The following FSIP2 variants were observed in gnomAD, a reference collection of about 807,000 sequenced individuals.
The protein encoded by FSIP2 is fibrous sheath interacting protein 2.
Under a neutral mutation model 510.5 loss-of-function variants are expected in FSIP2, and 367 were observed. That is an observed-to-expected ratio of 0.72 (90% CI 0.66 to 0.78). The LOEUF (loss-of-function observed/expected upper bound fraction) is 0.78, where lower values mean the gene tolerates loss of function less well. Among genes scored for constraint, FSIP2 ranks in the 30% least tolerant of loss-of-function variants. The pLI is 0.00. For missense variants in FSIP2, 7,594 were observed against 7,901.7 expected (o/e 0.96, Z 1.48); for synonymous variants, 2,601 against 2,732.2 (o/e 0.95, Z 1.50).
At position 185,789,770 on chromosome 2, in the gene FSIP2, T is replaced by A; in HGVS notation, c.2634T>A (p.Asp878Glu). 6.5e-7 allele frequency: 1 copy of A among 1,534,446 alleles called. No individual in the cohort carries two copies. Residue 878 changes from aspartate to glutamate, a missense_variant, in exon 16 of 23, where the codon GAT becomes GAA. Asp to Glu is a conservative substitution (Grantham distance 45). Transcript: ENST00000424728. ...AGKNKSSLES[D>E]EASLIVNEEV... ...AAAATAAATCTAGTCTTGAATCTGA[T>A]GAAGCTAGTTTAATTGTCAATGAAG...
At position 185,794,878 on chromosome 2, in the gene FSIP2, C is replaced by T. The variant is rs1331721108; in HGVS notation, c.7742C>T (p.Pro2581Leu). Reference protein sequence around the residue: ...SDHNDSLLMKPLRFRETKQAG... With the variant: ...SDHNDSLLMKLLRFRETKQAG... ...CACAATGATTCCTTACTAATGAAAC[C>T]ATTAAGGTTTAGAGAAACTAAACAA... is the stretch of plus-strand genomic sequence containing the variant. The change falls in exon 16 of 23, where the codon CCA becomes CTA. Residue 2581 changes from proline to leucine, a missense_variant. Transcript: ENST00000424728. 1 of 1,533,662 alleles carries T rather than the reference C, an allele frequency of 6.5e-7. No individual in the cohort carries two copies. Among genetic ancestry groups the T allele is most frequent in the Admixed American group, 2.0e-5 (1 of 50,838 alleles).
chr2:185,828,487 C>T (rs1694053373), intron 21 of FSIP2, among the ~76,000 whole-genome samples: 1 of 151,752 alleles, frequency 6.6e-6, no homozygotes, highest in South Asian at 2.1e-4. Flanking sequence ...TGTTTATTAG[C>T]TCTGTTACTA....
rs962573950 is a variant in FSIP2 at position 185,786,189 on chromosome 2, T to G, written c.1470-63T>G. On this transcript the variant is annotated intron_variant, in intron 14 of 22. Transcript: ENST00000424728. Reference sequence around the variant, plus strand: ...AAATGATTTCAATAATTAGAAATTTTGGGAAAAGTTTTATAAATTTTTGAC... The same window carrying G: ...AAATGATTTCAATAATTAGAAATTTGGGGAAAAGTTTTATAAATTTTTGAC... 5 of 1,027,214 alleles carry G rather than the reference T, an allele frequency of 4.9e-6. No individual in the cohort carries two copies. The Admixed American group carries it at 8.0e-5, about 17-fold the overall frequency. The allele number at this position is 1,027,214 out of a possible 1,614,324, so 63.6% of individuals were successfully genotyped here. A position where few individuals can be genotyped will look rare whatever the true frequency, so the allele number is the denominator to read the frequency against.
rs536539979 is a variant in FSIP2 at position 185,797,192 on chromosome 2, C to G, written c.10056C>G (p.Asn3352Lys). ...GFPSQPHTNE[N>K]REIMKPFFIS... ...CAAGTCAACCACACACTAATGAGAA[C>G]AGGGAAATAATGAAACCATTTTTCA... Residue 3352 changes from asparagine to lysine, a missense_variant, in exon 16 of 23, where the codon AAC (asparagine) becomes AAG (lysine). Transcript: ENST00000424728. 23 of 1,534,914 alleles carry G rather than the reference C, an allele frequency of 1.5e-5. No homozygotes were observed. The South Asian group carries it at 2.4e-4, about 16-fold the overall frequency.
In FSIP2 at chr2:185,789,000, A is replaced by G; in HGVS notation, c.1864A>G (p.Ile622Val). 1.3e-6 allele frequency: 2 copies of G among 1,534,192 alleles called. No homozygotes were observed. The highest frequency in any genetic ancestry group is 1.7e-6 in the Non-Finnish European group (2 of 1,145,464). ...GKTCHIKGQS[I>V]ISKHKYNKTN... ...AACATGTCACATAAAAGGACAATCT[A>G]TAATCTCTAAACATAAATATAATAA... The change falls in exon 16 of 23, where the codon ATA (isoleucine) becomes GTA (valine). Residue 622 changes from isoleucine (I) to valine (V), a missense_variant. By Grantham distance (29) the Ile-to-Val change is conservative. Coordinates refer to ENST00000424728, the MANE Select transcript of FSIP2 (RefSeq NM_173651.4).
intron 9 of FSIP2, among the ~76,000 whole-genome samples, chr2:185,759,673 ATATT>A (rs1315274807): frequency 1.4e-5 from 2 of 146,602 alleles, no homozygotes; most frequent in East Asian, 2.0e-4. Flanking sequence ...ATTATACATA[ATATT>A]TATTATTTGT....
Position 185,792,656 on chromosome 2 carries a change from C to A in FSIP2, c.5520C>A (p.Thr1840=), listed in dbSNP as rs1387853356. 5 of 1,533,334 alleles carry A rather than the reference C, an allele frequency of 3.3e-6. No homozygotes were observed. The highest frequency in any genetic ancestry group is 4.4e-6 in the Non-Finnish European group (5 of 1,145,030). The allele number at this position is 1,533,334 out of a possible 1,614,324, so 95.0% of individuals were successfully genotyped here. Residue 1840 remains threonine (T), a synonymous_variant, in exon 16 of 23, where the codon ACC becomes ACA. Transcript: ENST00000424728. ...MDPLLSEADI[T]IVTDNIVRTV... is the part of the protein sequence containing the mutation. ...CTTTACTTTCGGAAGCAGATATAAC[C>A]ATAGTAACAGATAATATTGTTAGGA...
intron 9 of FSIP2, among the ~76,000 whole-genome samples, chr2:185,757,082 C>G (rs1315550123): frequency 6.6e-6 from 1 of 151,282 alleles, no homozygotes; most frequent in Admixed American, 6.6e-5. Flanking sequence ...TTACAACATA[C>G]CAAAGGATTA....
At chr2:185,780,087 T>C (rs1245450568) in intron 13 of FSIP2, among the ~76,000 whole-genome samples, 2 of 149,508 alleles carry the variant, frequency 1.3e-5, no homozygotes, top group East Asian at 3.9e-4. Context: ...AAAAAAAAAA[T>C]TGTTTTGTTT....
In FSIP2 at chr2:185,803,471, A is replaced by G. The variant is rs1321136290; in HGVS notation, c.14165A>G (p.Asp4722Gly). 9 of 1,529,326 alleles carry G rather than the reference A, an allele frequency of 5.9e-6. No homozygotes were observed. The highest frequency in any genetic ancestry group is 2.0e-5 in the Admixed American group (1 of 50,118). 94.7% of individuals were successfully genotyped at this position (1,529,326 alleles called of 1,614,324 possible). ...EVVPNKDFLNDTKTLAARITN... is the reference protein window; with the variant it reads ...EVVPNKDFLNGTKTLAARITN... ...GTGCCCAATAAAGATTTTCTAAATG[A>G]CACAAAGACATTGGCTGCAAGAATA... The change falls in exon 17 of 23, where the codon GAC (aspartate) becomes GGC (glycine). Residue 4722 changes from aspartate (D) to glycine (G), a missense_variant. By Grantham distance (94) the Asp-to-Gly change is moderately conservative. Coordinates refer to ENST00000424728, the MANE Select transcript of FSIP2 (RefSeq NM_173651.4).
rs1260371521 is a variant in FSIP2 at position 185,800,005 on chromosome 2, A to G, written c.10699A>G (p.Ile3567Val). 2.0e-6 allele frequency: 3 copies of G among 1,517,876 alleles called. No homozygotes were observed. The East Asian group carries it at 7.4e-5, about 37-fold the overall frequency. 94.0% of individuals were successfully genotyped at this position (1,517,876 alleles called of 1,614,324 possible). The part of the protein sequence containing the change: ...ALCISEIIIK[I>V]LFNNKIIQAD... ...ATGTATTTCTGAAATCATTATTAAA[A>G]TTCTTTTTAATAATAAAATTATACA... Residue 3567 changes from isoleucine (I) to valine (V), a missense_variant, in exon 17 of 23, where the codon ATT (isoleucine) becomes GTT (valine). Physicochemically the swap from Ile to Val is conservative, Grantham distance 29. Transcript: ENST00000424728.
At position 185,805,570 on chromosome 2, in the gene FSIP2, C is replaced by G; in HGVS notation, c.16264C>G (p.Leu5422Val). 6.2e-7 allele frequency: 1 copy of G among 1,610,500 alleles called. No individual in the cohort carries two copies. The highest frequency in any genetic ancestry group is 8.5e-7 in the Non-Finnish European group (1 of 1,178,244). Reference protein sequence around the residue: ...PDNITQRVQHLPQNTFTQISR... With the variant: ...PDNITQRVQHVPQNTFTQISR... ...TAATATCACCCAAAGGGTTCAACAC[C>G]TACCACAAAACACCTTTACACAAAT... Residue 5422 changes from leucine (L) to valine (V), a missense_variant, in exon 17 of 23, where the codon CTA becomes GTA. By Grantham distance (32) the Leu-to-Val change is conservative. Coordinates refer to ENST00000424728, the MANE Select transcript of FSIP2 (RefSeq NM_173651.4).
chr2:185,810,752 G>C (rs1231559128), intron 17 of FSIP2, among the ~76,000 whole-genome samples: 1 of 151,862 alleles, frequency 6.6e-6, no homozygotes, highest in Admixed American at 6.6e-5. Context: ...GGCTAGAAGA[G>C]TTTAGAAGGC....
chr2:185,790,715 T>G lies in FSIP2; in HGVS notation c.3579T>G (p.Ile1193Met). 1 of 1,533,956 alleles carries G rather than the reference T, an allele frequency of 6.5e-7. No homozygotes were observed. Among genetic ancestry groups the G allele is most frequent in the East Asian group, 2.4e-5 (1 of 40,834 alleles). ...NYISNTTKSS[I>M]SSSVHQISLH... ...TTTCCAATACCACTAAAAGTTCCATTTCATCATCAGTTCATCAGATTTCCT... is the reference window on the plus strand; with the variant it reads ...TTTCCAATACCACTAAAAGTTCCATGTCATCATCAGTTCATCAGATTTCCT... Residue 1193 changes from isoleucine to methionine, a missense_variant, in exon 16 of 23, where the codon ATT becomes ATG. By Grantham distance (10) the Ile-to-Met change is conservative. Transcript: ENST00000424728.
chr2:185,790,623 A>C lies in FSIP2; in HGVS notation c.3487A>C (p.Ile1163Leu). The C allele has an allele frequency of 6.5e-7, 1 of 1,534,132 alleles. No individual in the cohort carries two copies. The highest frequency in any genetic ancestry group is 8.7e-7 in the Non-Finnish European group (1 of 1,145,496). ...WIDQMFSVSE[I>L]STVAQEITDS... ...AGACCAGATGTTTTCTGTTTCAGAA[A>C]TCAGTACAGTGGCTCAAGAAATAAC... Residue 1163 changes from isoleucine (I) to leucine (L), a missense_variant, in exon 16 of 23, where the codon ATC becomes CTC. Ile to Leu is a conservative substitution (Grantham distance 5). Transcript: ENST00000424728.
chr2:185,743,576 G>A (rs939830390), intron 3 of FSIP2, among the ~76,000 whole-genome samples: 2 of 152,018 alleles, frequency 1.3e-5, no homozygotes, highest in East Asian at 3.9e-4. Context: ...TTTCCCACGT[G>A]TATTATAGCC....
Position 185,804,108 on chromosome 2 carries a change from T to A in FSIP2, c.14802T>A (p.Pro4934=). 1 of 1,526,606 alleles carries A rather than the reference T, an allele frequency of 6.6e-7. No homozygotes were observed. Among genetic ancestry groups the A allele is most frequent in the Non-Finnish European group, 8.8e-7 (1 of 1,142,598 alleles). 94.6% of individuals were successfully genotyped at this position (1,526,606 alleles called of 1,614,324 possible). A position where few individuals can be genotyped will look rare whatever the true frequency, so the allele number is the denominator to read the frequency against. ...CTTATAAATTGAAAGCAATAGATCC[T>A]AAACAAAGAGAATTATCTTTTATTG... ...DQTYKLKAID[P]KQRELSFIVN... is the part of the protein sequence containing the mutation. Residue 4934 remains proline (P), a synonymous_variant, in exon 17 of 23, where the codon CCT becomes CCA. Transcript: ENST00000424728.
At position 185,813,796 on chromosome 2, in the gene FSIP2, A is replaced by C; in HGVS notation, c.20079A>C (p.Pro6693=). The C allele has an allele frequency of 6.2e-7, 1 of 1,613,510 alleles. No individual in the cohort carries two copies. The highest frequency in any genetic ancestry group is 1.1e-5 in the South Asian group (1 of 91,068). ...FEDQVKEVKK[P]IQSKLSPKST... is the part of the protein sequence containing the mutation. ...ATCAAGTGAAAGAAGTCAAGAAGCC[A>C]ATACAAAGCAAACTTTCTCCTAAGT... Residue 6693 remains proline, a synonymous_variant, in exon 18 of 23, where the codon CCA becomes CCC. Transcript: ENST00000424728.
chr2:185,763,238 G>C lies in FSIP2; in HGVS notation c.1296G>C (p.Thr432=). The C allele has an allele frequency of 6.6e-7, 1 of 1,523,206 alleles. No individual in the cohort carries two copies. The highest frequency in any genetic ancestry group is 8.8e-7 in the Non-Finnish European group (1 of 1,135,898). 94.4% of individuals were successfully genotyped at this position (1,523,206 alleles called of 1,614,324 possible). ...GSIISAQVSP[T]RNFSRVSQAF... ...TTATTTCAGCGCAGGTATCACCCAC[G>C]AGAAATTTTTCCAGAGTTTCACAGG... is the stretch of plus-strand genomic sequence containing the variant. The change falls in exon 12 of 23, where the codon ACG becomes ACC. Residue 432 remains threonine, a synonymous_variant. Transcript: ENST00000424728.
Sources: allele counts gnomAD v4.1 joint callset (sites outside exome capture counted in the v4.1 genomes callset), GRCh38; gene constraint gnomAD v4.1.1; transcripts MANE v1.5; gene names NCBI Gene and HGNC (gene_info 2026-07-23, HGNC 2026-07-21).